The following TMTC2 variants were observed in gnomAD, a reference collection of about 807,000 sequenced individuals.
The protein encoded by TMTC2 is transmembrane O-mannosyltransferase targeting cadherins 2.
Under a neutral mutation model 82.4 loss-of-function variants are expected in TMTC2, and 43 were observed. The ratio of observed to expected loss-of-function variants is 0.52; its 90% CI spans 0.41 to 0.67. The LOEUF (loss-of-function observed/expected upper bound fraction) is 0.67, where lower values mean the gene tolerates loss of function less well. Ranked by LOEUF, TMTC2 falls within the 30% of genes least tolerant of loss-of-function variation. TMTC2 has a pLI of 0.00. For synonymous variants in TMTC2, 408 were observed against 381.9 expected (o/e 1.07, Z -0.80); for missense variants, 919 against 1,012.4 (o/e 0.91, Z 1.25).
intron 3 of TMTC2, among the ~76,000 whole-genome samples, chr12:82,910,805 A>G (rs1211768548): frequency 6.6e-6 from 1 of 151,728 alleles, no homozygotes; most frequent in Admixed American, 6.6e-5. Context: ...CATTTTCTGC[A>G]GATGTGTTCC....
chr12:82,925,508 A>G (rs1875647710), intron 3 of TMTC2, among the ~76,000 whole-genome samples: 1 of 152,204 alleles, frequency 6.6e-6, no homozygotes, highest in Admixed American at 6.5e-5. Flanking sequence ...CTTCTCAGAT[A>G]TTGCATATGT....
At chr12:82,921,523 G>T (rs913638312) in intron 3 of TMTC2, among the ~76,000 whole-genome samples, 1 of 151,344 alleles carries the variant, frequency 6.6e-6, no homozygotes, top group South Asian at 2.1e-4. Flanking sequence ...CCATTCTTTC[G>T]CTCTCTTTAG....
intron 1 of TMTC2, among the ~76,000 whole-genome samples, chr12:82,767,617 T>TTACA (rs1877049043): frequency 6.6e-6 from 1 of 152,076 alleles, no homozygotes; most frequent in African/African-American, 2.4e-5. Context: ...AGGATATGGC[T>TTACA]GGATGTTGGT....
chr12:82,959,241 G>A (rs1041901935), intron 4 of TMTC2, among the ~76,000 whole-genome samples: 1 of 152,070 alleles, frequency 6.6e-6, no homozygotes. Flanking sequence ...CATTAAAATG[G>A]TCATACTGCC....
Position 82,687,127 on chromosome 12 carries a change from C to G in TMTC2, c.-460C>G, listed in dbSNP as rs1420790827. ...TTCGCCTTGTCCCTCCCACCCGCGC[C>G]TCTTTCTCTCTCTTCCTCCAGCTGG... On this transcript the variant is annotated 5_prime_UTR_variant, in exon 1 of 12. Coordinates refer to ENST00000321196, the MANE Select transcript of TMTC2 (RefSeq NM_152588.3). 1.2e-5 allele frequency: 2 copies of G among 166,334 alleles called. No homozygotes were observed. Among genetic ancestry groups the G allele is most frequent in the East Asian group, 3.6e-4 (2 of 5,606 alleles). 10.3% of individuals were successfully genotyped at this position (166,334 alleles called of 1,614,324 possible). A position where few individuals can be genotyped will look rare whatever the true frequency, so the allele number is the denominator to read the frequency against.
At chr12:83,000,418 G>A in intron 8 of TMTC2, among the ~76,000 whole-genome samples, 1 of 152,154 alleles carries the variant, frequency 6.6e-6, no homozygotes, top group African/African-American at 2.4e-5. Flanking sequence ...ACAGGCATGA[G>A]CCACCGCACC....
At chr12:83,088,078 CT>C (rs1883722222) in intron 11 of TMTC2, among the ~76,000 whole-genome samples, 3 of 152,234 alleles carry the variant, frequency 2.0e-5, no homozygotes, top group Non-Finnish European at 4.4e-5. Flanking sequence ...AGATAACTTG[CT>C]GCAGCTTCTG....
At chr12:82,837,122 C>T (rs911024931) in intron 1 of TMTC2, among the ~76,000 whole-genome samples, 1 of 152,198 alleles carries the variant, frequency 6.6e-6, no homozygotes, top group African/African-American at 2.4e-5. Context: ...TGGAGCCTCT[C>T]ATTGAGATAT....
rs372753924 is a variant in TMTC2 at position 82,910,352 on chromosome 12, A to T, written c.1483+13706A>T. Among the ~76,000 whole-genome samples, 11 of 152,016 alleles carry T rather than the reference A, an allele frequency of 7.2e-5. No individual in the cohort carries two copies. The East Asian group carries it at 1.4e-3, about 19-fold the overall frequency. On this transcript the variant is annotated intron_variant, in intron 3 of 11. Coordinates refer to ENST00000321196, the MANE Select transcript of TMTC2 (RefSeq NM_152588.3). ...GGTGTGGCTCACTTCTTCTGATCAA[A>T]CCTCTAGGGGAACATACGGACAGGC...
At chr12:82,994,478 A>G (rs1879530093) in intron 8 of TMTC2, among the ~76,000 whole-genome samples, 1 of 152,138 alleles carries the variant, frequency 6.6e-6, no homozygotes, top group African/African-American at 2.4e-5. Context: ...TGGTTTCTGT[A>G]TCTGATCTAT....
intron 8 of TMTC2, among the ~76,000 whole-genome samples, chr12:83,003,204 T>C (rs1224305282): frequency 7.2e-5 from 11 of 152,176 alleles, no homozygotes; most frequent in African/African-American, 2.4e-4. Flanking sequence ...GTTGTTGGTT[T>C]AACGTCTGTT....
chr12:83,129,566 A>T (rs920246286), intron 11 of TMTC2, among the ~76,000 whole-genome samples: 5 of 152,186 alleles, frequency 3.3e-5, no homozygotes, highest in African/African-American at 1.2e-4. Context: ...AGGTCTATTT[A>T]TGTGGCATGA....
chr12:82,712,546 T>C (rs1408084125), intron 1 of TMTC2, among the ~76,000 whole-genome samples: 2 of 151,368 alleles, frequency 1.3e-5, no homozygotes, highest in African/African-American at 4.8e-5. Context: ...TCATGCTGCG[T>C]GGGCCAGGGA....
chr12:83,095,229 T>G (rs200637103), intron 11 of TMTC2, among the ~76,000 whole-genome samples: 13 of 127,026 alleles, frequency 1.0e-4, no homozygotes, highest in African/African-American at 3.2e-4. Context: ...TTTTTTTTTT[T>G]GTTTTTTTTT....
At chr12:83,032,284 T>C (rs930938511) in intron 9 of TMTC2, among the ~76,000 whole-genome samples, 2 of 139,116 alleles carry the variant, frequency 1.4e-5, no homozygotes. Context: ...TATATATATA[T>C]ATATATATAT....
chr12:83,077,958 T>C (rs1015816196), intron 11 of TMTC2, among the ~76,000 whole-genome samples: 1 of 150,986 alleles, frequency 6.6e-6, no homozygotes, highest in Non-Finnish European at 1.5e-5. Context: ...AATATATTTT[T>C]CCTCCCCCCC....
At chr12:82,732,561 T>G (rs1334136898) in intron 1 of TMTC2, among the ~76,000 whole-genome samples, 1 of 152,150 alleles carries the variant, frequency 6.6e-6, no homozygotes, top group Non-Finnish European at 1.5e-5. Flanking sequence ...GCCAGGATGG[T>G]CTCGATCTCC....
At position 82,765,845 on chromosome 12, in the gene TMTC2, TA is replaced by T. The variant is rs775361249; in HGVS notation, c.83+78180del. Among the ~76,000 whole-genome samples, 4 of 152,204 alleles carry T rather than the reference TA, an allele frequency of 2.6e-5. No individual in the cohort carries two copies. In the East Asian group the frequency reaches 5.8e-4, roughly 22 times the overall value. ...GAAAAGGAATGAAGAATCTATGTAT[TA>T]AAAGATAATACTTTTTAAAAGGGGC... On this transcript the variant is annotated intron_variant, in intron 1 of 11. Coordinates refer to ENST00000321196, the MANE Select transcript of TMTC2 (RefSeq NM_152588.3).
chr12:83,043,563 C>A (rs1291818749), intron 9 of TMTC2, among the ~76,000 whole-genome samples: 1 of 152,168 alleles, frequency 6.6e-6, no homozygotes, highest in East Asian at 1.9e-4. Context: ...GGAACAAAAC[C>A]AAACCAAAAT....
Sources: allele counts gnomAD v4.1 joint callset (sites outside exome capture counted in the v4.1 genomes callset), GRCh38; gene constraint gnomAD v4.1.1; transcripts MANE v1.5; gene names NCBI Gene and HGNC (gene_info 2026-07-23, HGNC 2026-07-21).